CATSPERT: variants seen among roughly 807,000 people sequenced by gnomAD.
CATSPERT encodes catsper channel auxiliary subunit tau, also known as cation channel sperm-associated targeting subunit tau.
At chr2:201,607,116 G>A in the CATSPERT span, among the ~76,000 whole-genome samples, 1 of 152,090 alleles carries the variant, frequency 6.6e-6, no homozygotes, top group Non-Finnish European at 1.5e-5. Context: ...CCTTGAATGT[G>A]AATGAATTAA....
At chr2:201,510,095 T>G in the CATSPERT span, among the ~76,000 whole-genome samples, 1 of 150,768 alleles carries the variant, frequency 6.6e-6, no homozygotes, top group Non-Finnish European at 1.5e-5. Context: ...TCTCTCCATG[T>G]TGGCTTTTAC....
chr2:201,494,638 A>G, the CATSPERT span: 1 of 1,537,124 alleles, frequency 6.5e-7, no homozygotes, highest in Non-Finnish European at 8.7e-7. Flanking sequence ...TTCATGCTCT[A>G]TGACCTCTGC....
chr2:201,554,442 A>G, the CATSPERT span: 1 of 152,294 alleles, frequency 6.6e-6, no homozygotes, highest in Non-Finnish European at 1.5e-5. Flanking sequence ...TATTCTAAAA[A>G]TTCTAAAATT....
At chr2:201,612,327 C>A in the CATSPERT span, among the ~76,000 whole-genome samples, 4 of 152,092 alleles carry the variant, frequency 2.6e-5, no homozygotes, top group Non-Finnish European at 4.4e-5. Context: ...GTAATCCCAG[C>A]ACCTTGGGAG....
chr2:201,585,605 C>T, the CATSPERT span, among the ~76,000 whole-genome samples: 2 of 151,818 alleles, frequency 1.3e-5, no homozygotes, highest in Non-Finnish European at 2.9e-5. Context: ...ATACAAATTA[C>T]AACTCAAGGG....
At chr2:201,536,747 A>G in the CATSPERT span, among the ~76,000 whole-genome samples, 4 of 151,984 alleles carry the variant, frequency 2.6e-5, 1 homozygote, top group African/African-American at 9.6e-5. Context: ...ACAAAGAACA[A>G]TATTGTAAAA....
the CATSPERT span, among the ~76,000 whole-genome samples, chr2:201,617,934 T>A: frequency 1.3e-5 from 2 of 152,198 alleles, no homozygotes; most frequent in African/African-American, 4.8e-5. Context: ...AAGACATTTA[T>A]GCAGCCAACA....
At chr2:201,524,495 GACTCAC>G in the CATSPERT span, among the ~76,000 whole-genome samples, 1 of 152,176 alleles carries the variant, frequency 6.6e-6, no homozygotes, top group African/African-American at 2.4e-5. Flanking sequence ...GGGGAAAAAA[GACTCAC>G]TAGTCACCAA....
chr2:201,555,382 G>A, the CATSPERT span: 3 of 152,130 alleles, frequency 2.0e-5, no homozygotes, highest in Non-Finnish European at 2.9e-5. Context: ...AGGCATGGTA[G>A]CGCATGCCTG....
the CATSPERT span, chr2:201,494,048 G>T: frequency 6.5e-7 from 1 of 1,535,150 alleles, no homozygotes; most frequent in South Asian, 1.2e-5. Flanking sequence ...TCAATTATTT[G>T]ACTACCTTCT....
chr2:201,545,390 ACACCTAC>A, the CATSPERT span, among the ~76,000 whole-genome samples: 1 of 152,084 alleles, frequency 6.6e-6, no homozygotes, highest in Non-Finnish European at 1.5e-5. Flanking sequence ...TAAAATTATC[ACACCTAC>A]CATATGCCAA....
chr2:201,582,401 T>G, the CATSPERT span, among the ~76,000 whole-genome samples: 4 of 151,926 alleles, frequency 2.6e-5, no homozygotes, highest in African/African-American at 9.7e-5. Context: ...GTCATTAGCT[T>G]TATAACTTTC....
At chr2:201,492,220 C>G in the CATSPERT span, 1 of 1,518,672 alleles carries the variant, frequency 6.6e-7, no homozygotes, top group South Asian at 1.2e-5. Flanking sequence ...CACAAAGTGA[C>G]AGTCATCTCT....
the CATSPERT span, among the ~76,000 whole-genome samples, chr2:201,583,865 C>T: frequency 2.0e-5 from 3 of 152,058 alleles, no homozygotes; most frequent in South Asian, 4.1e-4. Flanking sequence ...GGAACAAAAA[C>T]CAAACTGAAA....
the CATSPERT span, among the ~76,000 whole-genome samples, chr2:201,566,394 C>T: frequency 7.8e-6 from 1 of 128,744 alleles, no homozygotes; most frequent in African/African-American, 3.0e-5. Context: ...TGTGATGTTC[C>T]CCATTCTGTG....
chr2:201,560,922 A>T, the CATSPERT span, among the ~76,000 whole-genome samples: 1 of 151,990 alleles, frequency 6.6e-6, no homozygotes, highest in Admixed American at 6.6e-5. Flanking sequence ...AGCTGGGATT[A>T]CAGGTGCCCG....
chr2:201,559,311 G>A, the CATSPERT span, among the ~76,000 whole-genome samples: 1 of 152,320 alleles, frequency 6.6e-6, no homozygotes, highest in Non-Finnish European at 1.5e-5. Flanking sequence ...CCATGCCCCT[G>A]AGCAGCTTTG....
At chr2:201,572,811 C>T in the CATSPERT span, among the ~76,000 whole-genome samples, 2 of 152,090 alleles carry the variant, frequency 1.3e-5, no homozygotes, top group Admixed American at 6.6e-5. Context: ...CTGTATATTA[C>T]TTCTGATTCA....
At chr2:201,546,174 A>G in the CATSPERT span, among the ~76,000 whole-genome samples, 1 of 152,168 alleles carries the variant, frequency 6.6e-6, no homozygotes, top group Admixed American at 6.5e-5. Context: ...GTATTGGTAA[A>G]TACTAATCAG....
Sources: allele counts gnomAD v4.1 joint callset (sites outside exome capture counted in the v4.1 genomes callset), GRCh38; gene constraint gnomAD v4.1.1; transcripts MANE v1.5; gene names NCBI Gene and HGNC (gene_info 2026-07-23, HGNC 2026-07-21).